Variants in NSUN6 observed in about 807,000 individuals in gnomAD.
NSUN6 encodes NOP2/Sun RNA methyltransferase 6.
Under a neutral mutation model 58.0 loss-of-function variants are expected in NSUN6, and 64 were observed. The observed-to-expected ratio is 1.10, with a 90% CI of 0.90 to 1.36. NSUN6 has a LOEUF of 1.36. Ranked by LOEUF, NSUN6 falls within the 40% of genes most tolerant of loss-of-function variation. NSUN6 has a pLI of 0.00. For missense variants in NSUN6, 701 were observed against 550.1 expected, an observed-to-expected ratio of 1.27 and a Z score of -2.74; for synonymous variants, 231 against 193.9, an observed-to-expected ratio of 1.19 and a Z score of -1.59.
intron 6 of NSUN6, among the ~76,000 whole-genome samples, chr10:18,599,951 T>A (rs889108864): frequency 1.3e-5 from 2 of 152,268 alleles, no homozygotes; most frequent in African/African-American, 4.8e-5. Context: ...AAAAGTTTCC[T>A]TTTTGATTTT....
intron 4 of NSUN6, among the ~76,000 whole-genome samples, chr10:18,615,156 CGTGT>C (rs2058368642): frequency 1.3e-5 from 2 of 149,080 alleles, no homozygotes; most frequent in African/African-American, 5.0e-5. Flanking sequence ...CACATATATA[CGTGT>C]GTGTATACAC....
intron 2 of NSUN6, among the ~76,000 whole-genome samples, chr10:18,647,940 T>C (rs2059596552): frequency 6.6e-6 from 1 of 152,170 alleles, no homozygotes; most frequent in African/African-American, 2.4e-5. Flanking sequence ...GGTTTCGCCA[T>C]ACTGGCCAGG....
At chr10:18,611,737 T>C (rs2058245348) in intron 5 of NSUN6, among the ~76,000 whole-genome samples, 1 of 151,682 alleles carries the variant, frequency 6.6e-6, no homozygotes, top group African/African-American at 2.4e-5. Context: ...TGTGTGTGTG[T>C]GTGTGTGTGT....
intron 3 of NSUN6, among the ~76,000 whole-genome samples, chr10:18,617,793 G>C (rs995077397): frequency 1.3e-5 from 2 of 152,114 alleles, no homozygotes; most frequent in Non-Finnish European, 1.5e-5. Flanking sequence ...AGCTGTTCAG[G>C]TCATGAGTGC....
At chr10:18,555,527 C>T (rs2054931603) in intron 8 of NSUN6, among the ~76,000 whole-genome samples, 1 of 126,446 alleles carries the variant, frequency 7.9e-6, no homozygotes, top group Non-Finnish European at 1.6e-5. Flanking sequence ...TGGAAGGGAG[C>T]ATGGAATGAA....
In NSUN6 at chr10:18,643,344, C is replaced by A. The variant is rs142418554; in HGVS notation, c.232-789G>T. Among the ~76,000 whole-genome samples the A allele has an allele frequency of 5.3e-3, 798 of 151,806 alleles. 3 individuals carry two copies. Among genetic ancestry groups the A allele is most frequent in the Non-Finnish European group, 9.8e-3 (666 of 67,956 alleles). On this transcript the variant is annotated intron_variant, in intron 2 of 10. Transcript: ENST00000377304. ...AGGGACCGTATACTCTATTAGAGGG[C>A]AGCACGCAAATATCTGACAACAAGT...
At chr10:18,617,353 A>C (rs1387799307) in intron 3 of NSUN6, among the ~76,000 whole-genome samples, 2 of 151,846 alleles carry the variant, frequency 1.3e-5, no homozygotes, top group African/African-American at 4.8e-5. Context: ...ACACCTGGCT[A>C]ACTTGTGTAT....
intron 8 of NSUN6, among the ~76,000 whole-genome samples, chr10:18,562,192 G>A (rs191098475): frequency 1.1e-4 from 16 of 150,944 alleles, no homozygotes; most frequent in Admixed American, 2.6e-4. Context: ...CTGGAGAATG[G>A]AATGGAATGG....
At chr10:18,547,007 G>C (rs12258119) in intron 10 of NSUN6, among the ~76,000 whole-genome samples, 1,686 of 152,246 alleles carry the variant, frequency 0.011, 26 homozygotes, top group African/African-American at 0.039. Flanking sequence ...TTATTTAACA[G>C]TTTCCAAAAC....
intron 3 of NSUN6, among the ~76,000 whole-genome samples, chr10:18,618,682 C>CAAAA (rs35116933): frequency 3.9e-5 from 2 of 51,454 alleles, no homozygotes; most frequent in African/African-American, 6.9e-5. Flanking sequence ...AACTCCATCT[C>CAAAA]AAAAAAAAAA....
chr10:18,619,456 A>G (rs766526386), intron 3 of NSUN6, among the ~76,000 whole-genome samples: 2 of 152,170 alleles, frequency 1.3e-5, no homozygotes, highest in African/African-American at 2.4e-5. Flanking sequence ...TGTTTAAACC[A>G]AAGACCCTAA....
At chr10:18,607,599 G>A (rs12772009) in intron 6 of NSUN6, among the ~76,000 whole-genome samples, 29,775 of 152,158 alleles carry the variant, frequency 0.2, 3,194 homozygotes, top group South Asian at 0.31. Flanking sequence ...TGTAATATAT[G>A]AATTGCTTAA....
At chr10:18,570,436 CCAT>C (rs2056278396) in intron 8 of NSUN6, among the ~76,000 whole-genome samples, 16 of 149,260 alleles carry the variant, frequency 1.1e-4, no homozygotes, top group Admixed American at 7.6e-4. Flanking sequence ...ATTCTCCATT[CCAT>C]TCCATTCTCC....
chr10:18,613,970 A>T (rs1406731336), intron 5 of NSUN6, among the ~76,000 whole-genome samples: 3 of 152,208 alleles, frequency 2.0e-5, no homozygotes. Context: ...TTTAGAACAG[A>T]CTATATTTTA....
At chr10:18,565,726 T>C (rs1238081857) in intron 8 of NSUN6, among the ~76,000 whole-genome samples, 1 of 150,298 alleles carries the variant, frequency 6.7e-6, no homozygotes, top group Non-Finnish European at 1.5e-5. Context: ...CTCTATTATA[T>C]TCACAACAAT....
chr10:18,627,546 G>T (rs1234696586), intron 3 of NSUN6, among the ~76,000 whole-genome samples: 1 of 152,190 alleles, frequency 6.6e-6, no homozygotes, highest in East Asian at 1.9e-4. Context: ...GCAGGTCAGT[G>T]GGTGCGCGCA....
At chr10:18,556,876 G>C (rs887196429) in intron 8 of NSUN6, among the ~76,000 whole-genome samples, 1 of 149,778 alleles carries the variant, frequency 6.7e-6, no homozygotes, top group Non-Finnish European at 1.5e-5. Flanking sequence ...GAATGGAATG[G>C]AGAAAGGAAG....
At chr10:18,627,171 C>T (rs2058840861) in intron 3 of NSUN6, among the ~76,000 whole-genome samples, 1 of 152,124 alleles carries the variant, frequency 6.6e-6, no homozygotes, top group Admixed American at 6.5e-5. Context: ...CCTGAAATCT[C>T]GTCTTAAGTA....
Position 18,548,286 on chromosome 10 carries a change from A to C in NSUN6, c.1072-49T>G, listed in dbSNP as rs900811159. 3 of 1,519,270 alleles carry C rather than the reference A, an allele frequency of 2.0e-6. No homozygotes were observed. The South Asian group carries it at 3.7e-5, about 19-fold the overall frequency. The allele number at this position is 1,519,270 out of a possible 1,614,324, so 94.1% of individuals were successfully genotyped here. ...ACACACAGCACAAGACCAGATAAACATATGAATGAATTTCAAAGCAAAAGG... is the reference window on the plus strand; with the variant it reads ...ACACACAGCACAAGACCAGATAAACCTATGAATGAATTTCAAAGCAAAAGG... On this transcript the variant is annotated intron_variant, in intron 9 of 10. Transcript: ENST00000377304.
Sources: gnomAD v4.1 joint callset for allele counts (sites outside exome capture counted in the v4.1 genomes callset) on GRCh38, gnomAD v4.1.1 for gene constraint, MANE v1.5 for transcripts, NCBI Gene and HGNC (gene_info 2026-07-23, HGNC 2026-07-21) for gene names.